The following PVR variants were observed in gnomAD, a reference collection of about 807,000 sequenced individuals.
PVR encodes the protein PVR cell adhesion molecule, also known as poliovirus receptor.
PVR carries 39 observed loss-of-function variants against 43.3 expected under a neutral mutation model. The observed-to-expected ratio is 0.90, with a 90% CI of 0.70 to 1.18. PVR has a LOEUF of 1.18. PVR is among the 50% of genes most tolerant of loss of function. The pLI is 0.00. For missense variants in PVR, 480 were observed against 549.7 expected, an observed-to-expected ratio of 0.87 and a Z score of 1.27; for synonymous variants, 224 against 233.2, an observed-to-expected ratio of 0.96 and a Z score of 0.36.
At chr19:44,645,657 C>T (rs1026197315) in intron 1 of PVR, among the ~76,000 whole-genome samples, 9 of 151,416 alleles carry the variant, frequency 5.9e-5, no homozygotes, top group African/African-American at 1.5e-4. Flanking sequence ...CAGGGTTTCG[C>T]TATGCTGCCC....
At chr19:44,653,878 C>A in intron 3 of PVR, 22 bp from the exon 4 acceptor site, 2 of 1,553,504 alleles carry the variant, frequency 1.3e-6, no homozygotes, top group African/African-American at 2.7e-5. Context: ...AGTCTCTGAA[C>A]CTCTGTATCC....
intron 4 of PVR, among the ~76,000 whole-genome samples, chr19:44,655,017 G>GT (rs1973400869): frequency 6.6e-6 from 1 of 152,112 alleles, no homozygotes; most frequent in Non-Finnish European, 1.5e-5. Context: ...CAAGAGCAAG[G>GT]TAAGAAAAAG....
intron 4 of PVR, among the ~76,000 whole-genome samples, chr19:44,655,863 C>CTTT (rs11349440): frequency 0.021 from 1,713 of 81,902 alleles, 10 homozygotes; most frequent in East Asian, 0.036. Flanking sequence ...AGCTCTCCTG[C>CTTT]TTTTTTTTTT....
At chr19:44,653,193 C>G (rs1438089351) in intron 3 of PVR, among the ~76,000 whole-genome samples, 2 of 152,166 alleles carry the variant, frequency 1.3e-5, no homozygotes, top group Non-Finnish European at 2.9e-5. Context: ...AATATAGCAT[C>G]TGCTGTAATA....
At chr19:44,659,883 C>T (rs1973549659) in intron 6 of PVR, among the ~76,000 whole-genome samples, 1 of 152,216 alleles carries the variant, frequency 6.6e-6, no homozygotes, top group African/African-American at 2.4e-5. Context: ...ATGAAGTTAC[C>T]TGCCAATGGT....
chr19:44,647,140 C>A, intron 1 of PVR, 83 bp from the exon 2 acceptor site: 2 of 1,087,636 alleles, frequency 1.8e-6, no homozygotes, highest in Non-Finnish European at 2.6e-6. Context: ...AAGTGCACGC[C>A]CAGGTGCCCG....
At chr19:44,644,988 T>A (rs1209499748) in intron 1 of PVR, among the ~76,000 whole-genome samples, 3 of 122,654 alleles carry the variant, frequency 2.4e-5, no homozygotes, top group Non-Finnish European at 4.8e-5. Context: ...TATTACATAT[T>A]ATAGTAATAT....
intron 3 of PVR, among the ~76,000 whole-genome samples, chr19:44,652,435 G>A (rs1432536258): frequency 6.6e-6 from 1 of 152,176 alleles, no homozygotes; most frequent in African/African-American, 2.4e-5. Context: ...CCAGGCTAGA[G>A]TGCAGTGGCA....
rs1264077017 is a variant in PVR, at chr19:44,657,799, G to A, written c.880G>A (p.Gly294Ser). ...GPLPPFAVAQ[G>S]AQLLIRPVDK... ...CCTGCCACCCTTTGCTGTGGCCCAG[G>A]GCGCCCAGCTCCTGATCCGTCCTGT... Residue 294 changes from glycine to serine, a missense_variant, in exon 5 of 8, where the codon GGC becomes AGC. Coordinates refer to ENST00000425690, the MANE Select transcript of PVR (RefSeq NM_006505.5). 6.2e-7 allele frequency: 1 copy of A among 1,614,068 alleles called. No individual in the cohort carries two copies. Among genetic ancestry groups the A allele is most frequent in the Non-Finnish European group, 8.5e-7 (1 of 1,179,976 alleles).
In PVR at chr19:44,644,035, C is replaced by T. The variant is rs966058813; in HGVS notation, c.-62C>T. On this transcript the variant is annotated 5_prime_UTR_variant, in exon 1 of 8. Coordinates refer to ENST00000425690, the MANE Select transcript of PVR (RefSeq NM_006505.5). ...TGGACTCGCAGCGACCGCGGCAGAGCGAGCGGGCGCCGGGAAGCGAGGAGA... is the reference window on the plus strand; with the variant it reads ...TGGACTCGCAGCGACCGCGGCAGAGTGAGCGGGCGCCGGGAAGCGAGGAGA... 1.4e-5 allele frequency: 19 copies of T among 1,400,440 alleles called. No individual in the cohort carries two copies. Among genetic ancestry groups the T allele is most frequent in the Admixed American group, 2.3e-5 (1 of 43,856 alleles). 86.8% of individuals were successfully genotyped at this position (1,400,440 alleles called of 1,614,324 possible).
intron 6 of PVR, among the ~76,000 whole-genome samples, chr19:44,660,816 G>A (rs117545741): frequency 3.3e-5 from 5 of 152,122 alleles, no homozygotes; most frequent in South Asian, 4.1e-4. Flanking sequence ...GAGCCACCAC[G>A]CCTGGCCAAG....
At chr19:44,655,539 C>T (rs915504704) in intron 4 of PVR, among the ~76,000 whole-genome samples, 1 of 152,224 alleles carries the variant, frequency 6.6e-6, no homozygotes, top group Non-Finnish European at 1.5e-5. Context: ...ATTATACATC[C>T]TGTCTTTTTT....
chr19:44,657,755 C>G lies in PVR; in HGVS notation c.843-7C>G, dbSNP rs1973488564. On this transcript the variant is annotated splice_polypyrimidine_tract_variant and splice_region_variant and intron_variant, in intron 4 of 7. Transcript: ENST00000425690. ...AGGCCACCTCCTCACCTTTCTGTCT[C>G]TCCCAGGACCATGGGTCCCCTGCCA... The G allele has an allele frequency of 5.0e-6, 8 of 1,613,908 alleles. No individual in the cohort carries two copies. Among genetic ancestry groups the G allele is most frequent in the Non-Finnish European group, 5.1e-6 (6 of 1,179,946 alleles).
Position 44,649,809 on chromosome 19 carries a change from C to A in PVR, c.428C>A (p.Ala143Asp). The change falls in exon 3 of 8, where the codon GCC (alanine) becomes GAC (aspartate). Residue 143 changes from alanine to aspartate, a missense_variant and splice_region_variant. Transcript: ENST00000425690. Reference sequence around the variant, plus strand: ...TTGTTGCTTTTGTTCCTCTTCCCAGCCAAGCCCCAGAACACAGCTGAGGTT... The same window carrying A: ...TTGTTGCTTTTGTTCCTCTTCCCAGACAAGCCCCAGAACACAGCTGAGGTT... ...RSVDIWLRVL[A>D]KPQNTAEVQK... The A allele has an allele frequency of 6.2e-7, 1 of 1,612,800 alleles. No homozygotes were observed. Among genetic ancestry groups the A allele is most frequent in the Non-Finnish European group, 8.5e-7 (1 of 1,179,530 alleles).
In PVR at chr19:44,650,088, T is replaced by C. The variant is rs1185998748; in HGVS notation, c.707T>C (p.Val236Ala). The part of the protein sequence containing the change: ...ESFEKPQLLT[V>A]NLTVYYPPEV... ...TTTGAGAAGCCTCAGCTGCTGACTG[T>C]GAACCTCACCGTGTACTGTGAGTGT... Residue 236 changes from valine (V) to alanine (A), a missense_variant, in exon 3 of 8, where the codon GTG becomes GCG. Physicochemically the swap from Val to Ala is moderately conservative, Grantham distance 64 (BLOSUM62 0). Coordinates refer to ENST00000425690, the MANE Select transcript of PVR (RefSeq NM_006505.5). The C allele has an allele frequency of 1.3e-6, 2 of 1,537,870 alleles. No homozygotes were observed. The highest frequency in any genetic ancestry group is 1.8e-6 in the Non-Finnish European group (2 of 1,141,474).
At chr19:44,659,454 T>G (rs1275100595) in intron 6 of PVR, among the ~76,000 whole-genome samples, 2 of 152,118 alleles carry the variant, frequency 1.3e-5, no homozygotes, top group African/African-American at 2.4e-5. Context: ...CCCCCTCGAT[T>G]TTAATTTTTA....
chr19:44,660,425 C>A (rs1457947537), intron 6 of PVR, among the ~76,000 whole-genome samples: 1 of 152,168 alleles, frequency 6.6e-6, no homozygotes, highest in Non-Finnish European at 1.5e-5. Flanking sequence ...TGGTAAGCCA[C>A]ATACTGAGTA....
chr19:44,647,129 C>G (rs1198068776), intron 1 of PVR, 94 bp from the exon 2 acceptor site: 1 of 731,470 alleles, frequency 1.4e-6, no homozygotes, highest in Non-Finnish European at 2.0e-6. Flanking sequence ...CCCCAGCGTG[C>G]AAGTGCACGC....
chr19:44,655,958 T>A (rs1322817648), intron 4 of PVR, among the ~76,000 whole-genome samples: 1 of 146,876 alleles, frequency 6.8e-6, no homozygotes, highest in African/African-American at 2.5e-5. Flanking sequence ...CAGCCTTGAA[T>A]TCCTGGGCTC....
Sources: allele counts gnomAD v4.1 joint callset (sites outside exome capture counted in the v4.1 genomes callset), GRCh38; gene constraint gnomAD v4.1.1; transcripts MANE v1.5; gene names NCBI Gene and HGNC (gene_info 2026-07-23, HGNC 2026-07-21).